CDK14: variants seen among roughly 807,000 people sequenced by gnomAD.
The protein encoded by CDK14 is cyclin-dependent kinase 14.
CDK14 carries 34 observed loss-of-function variants against 60.7 expected under a neutral mutation model. The ratio of observed to expected loss-of-function variants is 0.56; its 90% CI spans 0.43 to 0.75. The LOEUF is 0.75. Ranked by LOEUF, CDK14 falls within the 30% of genes least tolerant of loss-of-function variation. CDK14 has a pLI of 0.00. For synonymous variants in CDK14, 197 were observed against 203.7 expected (o/e 0.97, Z 0.28); for missense variants, 482 against 564.1 (o/e 0.85, Z 1.47).
At chr7:91,182,480 C>T (rs1802035282) in intron 14 of CDK14, among the ~76,000 whole-genome samples, 1 of 151,838 alleles carries the variant, frequency 6.6e-6, no homozygotes, top group East Asian at 1.9e-4. Flanking sequence ...AAGAAGTCTA[C>T]CTCCACCTCT....
intron 2 of CDK14, among the ~76,000 whole-genome samples, chr7:90,680,899 G>A (rs914110192): frequency 9.2e-5 from 14 of 152,230 alleles, no homozygotes; most frequent in African/African-American, 3.1e-4. Context: ...CAAGATTTTG[G>A]CCATACGTGG....
At chr7:90,782,720 G>A (rs1462710369) in intron 4 of CDK14, among the ~76,000 whole-genome samples, 1 of 152,146 alleles carries the variant, frequency 6.6e-6, no homozygotes, top group East Asian at 1.9e-4. Context: ...TTCATTAAGT[G>A]AAAGGCTGTC....
intron 10 of CDK14, among the ~76,000 whole-genome samples, chr7:90,985,981 A>G (rs1362157868): frequency 6.6e-6 from 1 of 152,140 alleles, no homozygotes; most frequent in Non-Finnish European, 1.5e-5. Context: ...AAAAAGCTGA[A>G]AAATCACCCT....
chr7:90,598,398 G>A (rs1799240106), intron 1 of CDK14, among the ~76,000 whole-genome samples: 1 of 152,146 alleles, frequency 6.6e-6, no homozygotes, highest in South Asian at 2.1e-4. Flanking sequence ...AACTCCTTTT[G>A]AATCCAACTC....
At chr7:90,667,885 A>G (rs554712864) in intron 2 of CDK14, among the ~76,000 whole-genome samples, 153 of 152,198 alleles carry the variant, frequency 1.0e-3, no homozygotes, top group Middle Eastern at 3.4e-3. Flanking sequence ...TTCTTTTTAT[A>G]GCTTTATATT....
At chr7:91,068,158 T>G (rs1357165967) in intron 11 of CDK14, among the ~76,000 whole-genome samples, 2 of 152,242 alleles carry the variant, frequency 1.3e-5, no homozygotes. Flanking sequence ...CTACACCAAC[T>G]GGCTGAATTA....
At chr7:90,673,390 A>G (rs1464352065) in intron 2 of CDK14, among the ~76,000 whole-genome samples, 4 of 152,162 alleles carry the variant, frequency 2.6e-5, no homozygotes, top group Non-Finnish European at 4.4e-5. Flanking sequence ...GGCCACATTC[A>G]AAACTGAATG....
chr7:90,862,372 A>G lies in CDK14; in HGVS notation c.545-803A>G, dbSNP rs138422390. Among the ~76,000 whole-genome samples the G allele has an allele frequency of 3.0e-3, 461 of 152,326 alleles. 2 individuals are homozygous for G. The highest frequency in any genetic ancestry group is 0.01 in the African/African-American group (423 of 41,578). ...CTAATCAAGAGAATGGTGGATGCCTATACAAAGGGGACTTCAGAACAAAGA... is the reference window on the plus strand; with the variant it reads ...CTAATCAAGAGAATGGTGGATGCCTGTACAAAGGGGACTTCAGAACAAAGA... On this transcript the variant is annotated intron_variant, in intron 5 of 14. Coordinates refer to ENST00000380050, the MANE Select transcript of CDK14 (RefSeq NM_001287135.2).
chr7:90,897,522 C>A (rs367583666), intron 6 of CDK14, among the ~76,000 whole-genome samples: 2 of 151,948 alleles, frequency 1.3e-5, no homozygotes, highest in African/African-American at 4.8e-5. Context: ...TAAAAGAATA[C>A]CTTATTTTTA....
chr7:90,639,012 T>C (rs1800242121), intron 2 of CDK14, among the ~76,000 whole-genome samples: 1 of 152,166 alleles, frequency 6.6e-6, no homozygotes, highest in Non-Finnish European at 1.5e-5. Flanking sequence ...CTGTATTGGT[T>C]ATTCTAGTTA....
chr7:90,864,754 A>C (rs1238872642), intron 6 of CDK14, among the ~76,000 whole-genome samples: 1 of 152,210 alleles, frequency 6.6e-6, no homozygotes, highest in Non-Finnish European at 1.5e-5. Flanking sequence ...AATAAAAGGA[A>C]ATAAATTCAC....
rs906391249 is a variant in CDK14 at position 90,790,658 on chromosome 7, C to T, written c.544+6C>T. On this transcript the variant is annotated splice_donor_region_variant and intron_variant, in intron 5 of 14. Coordinates refer to ENST00000380050, the MANE Select transcript of CDK14 (RefSeq NM_001287135.2). ...TTTCACAGCTATCAGGGAAGGTAGGCACTTTTCCTTGTTGATATTGCTTTT... is the reference window on the plus strand; with the variant it reads ...TTTCACAGCTATCAGGGAAGGTAGGTACTTTTCCTTGTTGATATTGCTTTT... 19 of 1,603,238 alleles carry T rather than the reference C, an allele frequency of 1.2e-5. No individual in the cohort carries two copies. The highest frequency in any genetic ancestry group is 1.7e-5 in the Admixed American group (1 of 59,608).
intron 12 of CDK14, among the ~76,000 whole-genome samples, chr7:91,092,860 A>G (rs372373703): frequency 5.3e-5 from 8 of 152,328 alleles, no homozygotes; most frequent in African/African-American, 1.4e-4. Context: ...TCACATTCTA[A>G]TGTAGAAGGA....
At position 91,209,551 on chromosome 7, in the gene CDK14, G is replaced by A. The variant is rs3814097; in HGVS notation, c.*2415G>A. 0.49 allele frequency: 75,178 copies of A among 152,146 alleles called. 18,622 individuals carry two copies. The highest frequency in any genetic ancestry group is 0.55 in the Middle Eastern group (162 of 294). 9.4% of individuals were successfully genotyped at this position (152,146 alleles called of 1,614,324 possible). ...AGTCATGAAAATCAATTCAGACTGT[G>A]TTGATTAGCAGATTTATTATTCTAT... On this transcript the variant is annotated 3_prime_UTR_variant, in exon 15 of 15. Transcript: ENST00000380050.
Position 91,131,778 on chromosome 7 carries a change from A to G in CDK14, c.*28+13570A>G, listed in dbSNP as rs560028430. 2.0e-4 allele frequency among the ~76,000 whole-genome samples: 31 copies of G among 152,286 alleles called. No individual in the cohort carries two copies. The South Asian group carries it at 6.0e-3, about 29-fold the overall frequency. ...ACAAAGCAAGTGTTAGCCCTTCAGT[A>G]TTGAAGTCACCTGTTCATTTGTCTT... On this transcript the variant is annotated intron_variant, in intron 14 of 14. Coordinates refer to ENST00000380050, the MANE Select transcript of CDK14 (RefSeq NM_001287135.2).
At position 90,984,191 on chromosome 7, in the gene CDK14, G is replaced by A. The variant is rs1562856505; in HGVS notation, c.991G>A (p.Ala331Thr). ...TGTTGAAATGATCCAAGGAGTTGCTGCTTTTCCAGGAATGAAAGACATTCA... is the reference window on the plus strand; with the variant it reads ...TGTTGAAATGATCCAAGGAGTTGCTACTTTTCCAGGAATGAAAGACATTCA... ...IFVEMIQGVA[A>T]FPGMKDIQDQ... is the part of the protein sequence containing the mutation. Residue 331 changes from alanine to threonine, a missense_variant, in exon 10 of 15, where the codon GCT (alanine) becomes ACT (threonine). Transcript: ENST00000380050. 4 of 1,613,104 alleles carry A rather than the reference G, an allele frequency of 2.5e-6. No individual in the cohort carries two copies. The highest frequency in any genetic ancestry group is 3.4e-6 in the Non-Finnish European group (4 of 1,179,128).
intron 5 of CDK14, among the ~76,000 whole-genome samples, chr7:90,835,515 GTCTC>G (rs1307945825): frequency 6.6e-6 from 1 of 152,170 alleles, no homozygotes; most frequent in Non-Finnish European, 1.5e-5. Context: ...ATACATGTAA[GTCTC>G]TGTGCAAGAC....
chr7:90,914,968 T>TGATAGACA (rs1793027256), intron 7 of CDK14, among the ~76,000 whole-genome samples: 1 of 152,084 alleles, frequency 6.6e-6, no homozygotes, highest in Non-Finnish European at 1.5e-5. Context: ...TATCATACTG[T>TGATAGACA]GATAGACATA....
intron 4 of CDK14, among the ~76,000 whole-genome samples, chr7:90,768,837 C>T (rs1804671507): frequency 6.6e-6 from 1 of 152,026 alleles, no homozygotes; most frequent in African/African-American, 2.4e-5. Context: ...TATTTGAAAA[C>T]AAAGATAAAA....
Sources: gnomAD v4.1 joint callset for allele counts (sites outside exome capture counted in the v4.1 genomes callset) on GRCh38, gnomAD v4.1.1 for gene constraint, MANE v1.5 for transcripts, NCBI Gene and HGNC (gene_info 2026-07-23, HGNC 2026-07-21) for gene names.